The following RPTOR variants were observed in gnomAD, a reference collection of about 807,000 sequenced individuals.
RPTOR encodes regulatory-associated protein of mTOR.
Under a neutral mutation model 169.9 loss-of-function variants are expected in RPTOR, and 21 were observed. The observed-to-expected ratio is 0.12, with a 90% CI of 0.09 to 0.18. RPTOR has a LOEUF of 0.18. Ranked by LOEUF, RPTOR falls within the 10% of genes least tolerant of loss-of-function variation. RPTOR has a pLI of 1.00. For synonymous variants in RPTOR, 732 were observed against 753.2 expected (o/e 0.97, Z 0.46); for missense variants, 1,133 against 1,855.9 (o/e 0.61, Z 7.16).
intron 17 of RPTOR, among the ~76,000 whole-genome samples, chr17:80,890,107 C>T (rs558435177): frequency 2.6e-5 from 4 of 152,128 alleles, no homozygotes; most frequent in African/African-American, 7.2e-5. Context: ...AGGGAGGCCC[C>T]GTGCGCAGCA....
chr17:80,948,183 C>A (rs552369919), intron 27 of RPTOR, among the ~76,000 whole-genome samples: 1 of 152,240 alleles, frequency 6.6e-6, no homozygotes, highest in Non-Finnish European at 1.5e-5. Context: ...CTGTCCCTGT[C>A]GGCCGCAGCC....
At chr17:80,690,330 C>A (rs976019547) in intron 3 of RPTOR, among the ~76,000 whole-genome samples, 23 of 125,766 alleles carry the variant, frequency 1.8e-4, no homozygotes, top group African/African-American at 6.1e-4. Flanking sequence ...CTTCTAAACA[C>A]ACACACACAC....
chr17:80,563,585 T>TAATAAATA (rs68057823), intron 1 of RPTOR, among the ~76,000 whole-genome samples: 15 of 137,034 alleles, frequency 1.1e-4, no homozygotes, highest in Non-Finnish European at 2.0e-4. Flanking sequence ...AAAAAAAAGA[T>TAATAAATA]AATAAATAAA....
chr17:80,944,589 G>A (rs1239314666), intron 25 of RPTOR, among the ~76,000 whole-genome samples: 1 of 152,194 alleles, frequency 6.6e-6, no homozygotes, highest in Non-Finnish European at 1.5e-5. Context: ...AGGTGGTCAG[G>A]CCCCTCCCTT....
Position 80,844,683 on chromosome 17 carries a change from C to T in RPTOR, c.1213-1790C>T, listed in dbSNP as rs1472721828. Among the ~76,000 whole-genome samples, 3 of 152,164 alleles carry T rather than the reference C, an allele frequency of 2.0e-5. No homozygotes were observed. The highest frequency in any genetic ancestry group is 1.9e-4 in the East Asian group (1 of 5,160). The stretch of plus-strand genomic sequence containing the variant: ...AATGTTCTCGGCTGACTTTTTAAGT[C>T]GGGCCACGGGGCTCTGCCCGCCAGG... On this transcript the variant is annotated intron_variant, in intron 10 of 33. Coordinates refer to ENST00000306801, the MANE Select transcript of RPTOR (RefSeq NM_020761.3). This position sits in a 1 kb window ranked among gnomAD's most constrained non-coding sequence, Gnocchi z 4.7.
intron 3 of RPTOR, among the ~76,000 whole-genome samples, chr17:80,705,912 C>G (rs2066138754): frequency 6.6e-6 from 1 of 152,154 alleles, no homozygotes; most frequent in African/African-American, 2.4e-5. Context: ...GTCACATCAG[C>G]AGGTGCTTCG....
At chr17:80,690,557 G>A (rs908930365) in intron 3 of RPTOR, among the ~76,000 whole-genome samples, 10 of 151,654 alleles carry the variant, frequency 6.6e-5, no homozygotes, top group East Asian at 1.9e-4. Context: ...TCTCGATCTC[G>A]TCAGTGGCTT....
intron 6 of RPTOR, among the ~76,000 whole-genome samples, chr17:80,778,242 A>G (rs1030340518): frequency 6.6e-6 from 1 of 152,170 alleles, no homozygotes; most frequent in Non-Finnish European, 1.5e-5. Context: ...GATGTTAATG[A>G]CAGATAAAAA....
At chr17:80,859,894 C>T (rs2067898300) in intron 13 of RPTOR, among the ~76,000 whole-genome samples, 2 of 152,232 alleles carry the variant, frequency 1.3e-5, no homozygotes, top group South Asian at 4.1e-4. Flanking sequence ...GCAGGGGCCA[C>T]ATAGCTGCCA....
In RPTOR at chr17:80,607,600, TA is replaced by T. The variant is rs2065238362; in HGVS notation, c.163-18090del. 5.1e-4 allele frequency among the ~76,000 whole-genome samples: 5 copies of T among 9,898 alleles called. No individual in the cohort carries two copies. The African/African-American group carries it at 0.011, about 22-fold the overall frequency. 6.5% of individuals were successfully genotyped at this position (9,898 alleles called of 152,430 possible). A position where few individuals can be genotyped will look rare whatever the true frequency, so the allele number is the denominator to read the frequency against. On this transcript the variant is annotated intron_variant, in intron 1 of 33. Transcript: ENST00000306801. ...GGCATATATGTGTATATATGCCATT[TA>T]TATATATATATATATATAATTATTT...
At chr17:80,606,365 C>T (rs1410061058) in intron 1 of RPTOR, among the ~76,000 whole-genome samples, 14 of 141,878 alleles carry the variant, frequency 9.9e-5, no homozygotes, top group Admixed American at 2.2e-4. Flanking sequence ...AGTGGTCTAT[C>T]ATGCCCTGCT....
intron 3 of RPTOR, among the ~76,000 whole-genome samples, chr17:80,687,899 G>A (rs757090520): frequency 7.2e-5 from 11 of 152,144 alleles, no homozygotes; most frequent in Non-Finnish European, 1.5e-4. Flanking sequence ...GTCCATCGCC[G>A]CTGGCATACC....
At position 80,746,201 on chromosome 17, in the gene RPTOR, C is replaced by T. The variant is rs138537551; in HGVS notation, c.655-7809C>T. On this transcript the variant is annotated intron_variant, in intron 5 of 33. Transcript: ENST00000306801. The surrounding 1 kb of genome is among the most constrained non-coding windows in gnomAD (Gnocchi z 4.5). ...AAAGTGCAGTGCAGGTGATCCCCAC[C>T]GCCCCCACAGCGGTGCTTTCTGCGG... is the stretch of plus-strand genomic sequence containing the variant. Among the ~76,000 whole-genome samples the T allele has an allele frequency of 0.035, 4,923 of 141,660 alleles. 235 individuals are homozygous for T. Among genetic ancestry groups the T allele is most frequent in the Middle Eastern group, 0.068 (18 of 266 alleles). The allele number at this position is 141,660 out of a possible 152,430, so 92.9% of individuals were successfully genotyped here. A position where few individuals can be genotyped will look rare whatever the true frequency, so the allele number is the denominator to read the frequency against.
At chr17:80,768,815 A>C (rs2066813892) in intron 6 of RPTOR, among the ~76,000 whole-genome samples, 1 of 152,098 alleles carries the variant, frequency 6.6e-6, no homozygotes, top group Non-Finnish European at 1.5e-5. Flanking sequence ...TGTTTGATTT[A>C]TGTGCCTAAG....
intron 13 of RPTOR, among the ~76,000 whole-genome samples, chr17:80,868,765 T>C (rs1255073436): frequency 6.6e-6 from 1 of 152,236 alleles, no homozygotes; most frequent in Non-Finnish European, 1.5e-5. Context: ...AACTGCAATC[T>C]TTCCATGCGA....
At chr17:80,628,882 T>A (rs1219372444) in intron 2 of RPTOR, among the ~76,000 whole-genome samples, 1 of 152,276 alleles carries the variant, frequency 6.6e-6, no homozygotes, top group Non-Finnish European at 1.5e-5. Context: ...TATTGTTTGT[T>A]TTCTCTCTCT....
At chr17:80,583,352 G>C (rs1201068023) in intron 1 of RPTOR, among the ~76,000 whole-genome samples, 10 of 152,050 alleles carry the variant, frequency 6.6e-5, no homozygotes, top group Admixed American at 6.5e-4. Context: ...CATCATGCCA[G>C]GCTAATTTTT....
chr17:80,891,715 G>A lies in RPTOR; in HGVS notation c.1984-5G>A, dbSNP rs747767660. ...ACTGTTATTGTCCCTTCTCCCTCTCGGCAGGAGCTGGTGGTGGCTCTGAGT... is the reference window on the plus strand; with the variant it reads ...ACTGTTATTGTCCCTTCTCCCTCTCAGCAGGAGCTGGTGGTGGCTCTGAGT... On this transcript the variant is annotated splice_polypyrimidine_tract_variant and splice_region_variant and intron_variant, in intron 17 of 33. Transcript: ENST00000306801. The A allele has an allele frequency of 2.5e-6, 4 of 1,600,318 alleles. No individual in the cohort carries two copies. The highest frequency in any genetic ancestry group is 2.2e-5 in the South Asian group (2 of 90,656).
chr17:80,739,024 C>G (rs1000745987), intron 5 of RPTOR, among the ~76,000 whole-genome samples: 1 of 152,118 alleles, frequency 6.6e-6, no homozygotes, highest in Non-Finnish European at 1.5e-5. Flanking sequence ...AAAGTATTGT[C>G]TGAAATTGCT....
Sources: allele counts gnomAD v4.1 joint callset (sites outside exome capture counted in the v4.1 genomes callset), GRCh38; gene constraint gnomAD v4.1.1; non-coding constraint Gnocchi (gnomAD v3.1); transcripts MANE v1.5; gene names NCBI Gene and HGNC (gene_info 2026-07-23, HGNC 2026-07-21).